The following SMS variants were observed in gnomAD, a reference collection of about 807,000 sequenced individuals.
SMS encodes spermidine aminopropyltransferase.
SMS carries 3 observed loss-of-function variants against 33.0 expected under a neutral mutation model. The observed-to-expected ratio is 0.09, with a 90% CI of 0.04 to 0.23. The LOEUF (loss-of-function observed/expected upper bound fraction) is 0.23. Ranked by LOEUF, SMS falls within the 10% of genes least tolerant of loss-of-function variation. The probability of loss-of-function intolerance (pLI) is 1.00; values close to 1 mark genes in which losing one functional copy is unlikely to be tolerated. For synonymous variants in SMS, 103 were observed against 112.2 expected, an observed-to-expected ratio of 0.92 and a Z score of 0.52; for missense variants, 117 against 288.6, an observed-to-expected ratio of 0.41 and a Z score of 4.31.
chrX:21,953,841 T>C (rs371736540), intron 1 of SMS, among the ~76,000 whole-genome samples: 2 of 111,180 alleles, frequency 1.8e-5, no homozygotes, highest in African/African-American at 3.3e-5. Flanking sequence ...TTCAAAGAAA[T>C]AGCTCTTTGC....
intron 1 of SMS, chrX:21,960,019 C>G (rs147950908): frequency 1.6e-5 from 8 of 513,897 alleles, no homozygotes; most frequent in Non-Finnish European, 1.8e-5. Flanking sequence ...GCGTGAGTGA[C>G]TGTCTGTGTG....
At chrX:21,947,262 ACAGAC>A (rs1258920216) in intron 1 of SMS, among the ~76,000 whole-genome samples, 1 of 111,554 alleles carries the variant, frequency 9.0e-6, no homozygotes, top group Non-Finnish European at 1.9e-5. Flanking sequence ...CACCGCAGGC[ACAGAC>A]GCTGTTGCTT....
chrX:21,957,571 C>T (rs1375215760), intron 1 of SMS, among the ~76,000 whole-genome samples: 1 of 112,003 alleles, frequency 8.9e-6, no homozygotes, highest in Non-Finnish European at 1.9e-5. Context: ...CAGGTGTGAG[C>T]CACCGTGCCC....
intron 9 of SMS, among the ~76,000 whole-genome samples, chrX:21,988,146 A>G (rs1041522134): frequency 8.9e-6 from 1 of 112,545 alleles, no homozygotes; most frequent in East Asian, 2.8e-4. Flanking sequence ...GGGTTCATTC[A>G]GTACATTTGG....
chrX:21,965,582 T>TAAAAAAAAA (rs1326643090), intron 1 of SMS, among the ~76,000 whole-genome samples: 1 of 3,753 alleles, frequency 2.7e-4, no homozygotes, highest in Non-Finnish European at 3.6e-4. Context: ...CTACTACAAA[T>TAAAAAAAAA]ACAAAAAAAA....
chrX:21,994,179 G>A lies in SMS; in HGVS notation c.1062-133G>A, dbSNP rs781486363. 16 of 626,356 alleles carry A rather than the reference G, an allele frequency of 2.6e-5. No homozygotes were observed. The South Asian group carries it at 3.5e-4, about 14-fold the overall frequency. 51.6% of individuals were successfully genotyped at this position (626,356 alleles called of 1,213,427 possible). A position where few individuals can be genotyped will look rare whatever the true frequency, so the allele number is the denominator to read the frequency against. ...AGAGTGGCCTTATTCAAAGTCCTTC[G>A]TTCTCATTCCCACAGTGCTCTAAGC... is the stretch of plus-strand genomic sequence containing the variant. On this transcript the variant is annotated intron_variant, in intron 10 of 10. Transcript: ENST00000404933.
At position 21,941,381 on chromosome X, in the gene SMS, T is replaced by C. The variant is rs947745524; in HGVS notation, c.49+508T>C. 24 of 229,577 alleles carry C rather than the reference T, an allele frequency of 1.0e-4. No individual in the cohort carries two copies. The Admixed American group carries it at 1.6e-3, about 15-fold the overall frequency. 18.9% of individuals were successfully genotyped at this position (229,577 alleles called of 1,213,427 possible). A position where few individuals can be genotyped will look rare whatever the true frequency, so the allele number is the denominator to read the frequency against. ...TCTTGCAGGCGGGTAAATTTCCCTCTTGGGGGCGGGGGTTTCCCCTCGTAG... is the reference window on the plus strand; with the variant it reads ...TCTTGCAGGCGGGTAAATTTCCCTCCTGGGGGCGGGGGTTTCCCCTCGTAG... On this transcript the variant is annotated intron_variant, in intron 1 of 10. Transcript: ENST00000404933.
rs1171067427 is a variant in SMS, at chrX:21,940,740, C to CA, written c.-84dup. 3 of 812,314 alleles carry CA rather than the reference C, an allele frequency of 3.7e-6. No individual in the cohort carries two copies. The Admixed American group carries it at 8.8e-5, about 24-fold the overall frequency. 66.9% of individuals were successfully genotyped at this position (812,314 alleles called of 1,213,427 possible). A position where few individuals can be genotyped will look rare whatever the true frequency, so the allele number is the denominator to read the frequency against. ...GGCCTCCCCGGGCGCAGCACACTCC[C>CA]AGCCGGCCGCAGCCTGACACGCCGC... On this transcript the variant is annotated 5_prime_UTR_variant, in exon 1 of 11. Coordinates refer to ENST00000404933, the MANE Select transcript of SMS (RefSeq NM_004595.5).
intron 7 of SMS, among the ~76,000 whole-genome samples, chrX:21,983,287 A>C (rs1238054881): frequency 9.0e-6 from 1 of 110,919 alleles, no homozygotes; most frequent in Admixed American, 9.7e-5. Context: ...TGTTCCGCCC[A>C]CCTCAACTTC....
chrX:21,977,365 G>A (rs1924603991), intron 5 of SMS, 129 bp downstream of exon 5: 3 of 609,679 alleles, frequency 4.9e-6, no homozygotes, highest in African/African-American at 4.4e-5. Flanking sequence ...TTTTTGAGAT[G>A]CACATTTATG....
intron 7 of SMS, among the ~76,000 whole-genome samples, chrX:21,981,171 A>C (rs1924913207): frequency 9.0e-6 from 1 of 110,725 alleles, no homozygotes; most frequent in African/African-American, 3.3e-5. Flanking sequence ...AAATACAAAA[A>C]TTAGCCCGAC....
At chrX:21,965,654 A>G (rs1392429329) in intron 1 of SMS, among the ~76,000 whole-genome samples, 1 of 105,816 alleles carries the variant, frequency 9.5e-6, no homozygotes, top group Non-Finnish European at 1.9e-5. Flanking sequence ...AGGCTGAGGC[A>G]GGAGAATGGT....
intron 4 of SMS, among the ~76,000 whole-genome samples, chrX:21,972,888 C>G (rs1173140865): frequency 2.0e-5 from 2 of 98,297 alleles, no homozygotes; most frequent in Non-Finnish European, 4.1e-5. Context: ...CGCTGCACTC[C>G]TGCCTGGGTG....
At chrX:21,946,833 G>A (rs1412188652) in intron 1 of SMS, among the ~76,000 whole-genome samples, 1 of 112,234 alleles carries the variant, frequency 8.9e-6, no homozygotes, top group Non-Finnish European at 1.9e-5. Context: ...TTGGATGACA[G>A]ATCATCAGCA....
In SMS at chrX:21,960,938, A is replaced by G. The variant is rs1041920772; in HGVS notation, c.50-6258A>G. Among the ~76,000 whole-genome samples, 3 of 110,074 alleles carry G rather than the reference A, an allele frequency of 2.7e-5. No individual in the cohort carries two copies. The South Asian group carries it at 1.2e-3, about 42-fold the overall frequency. On this transcript the variant is annotated intron_variant, in intron 1 of 10. Transcript: ENST00000404933. ...GTCTTTCTGGATGTGTGAGAATTGC[A>G]TATTTCCTTAGGGCAGCCTCTAATG... is the stretch of plus-strand genomic sequence containing the variant.
chrX:21,944,763 A>G (rs1191380509), intron 1 of SMS, among the ~76,000 whole-genome samples: 1 of 110,361 alleles, frequency 9.1e-6, no homozygotes, highest in African/African-American at 3.3e-5. Context: ...AGATCACCTG[A>G]GGACGGGAGT....
intron 1 of SMS, among the ~76,000 whole-genome samples, chrX:21,943,320 T>G (rs1387667336): frequency 9.0e-6 from 1 of 111,674 alleles, no homozygotes. Flanking sequence ...AAAGAGCGAA[T>G]GAAGAAAAAG....
intron 1 of SMS, among the ~76,000 whole-genome samples, chrX:21,947,092 T>G (rs1185986644): frequency 8.9e-6 from 1 of 112,201 alleles, no homozygotes; most frequent in Non-Finnish European, 1.9e-5. Context: ...GCATGTCTTC[T>G]TTGTGTGTTT....
chrX:21,950,343 A>G (rs765661635), intron 1 of SMS, among the ~76,000 whole-genome samples: 13 of 110,123 alleles, frequency 1.2e-4, no homozygotes, highest in East Asian at 2.8e-4. Flanking sequence ...GGGTTTGTCT[A>G]ATTTGGAGCT....
Sources: allele counts gnomAD v4.1 joint callset (sites outside exome capture counted in the v4.1 genomes callset), GRCh38; gene constraint gnomAD v4.1.1; transcripts MANE v1.5; gene names NCBI Gene and HGNC (gene_info 2026-07-23, HGNC 2026-07-21).